Variants in DCC observed in about 807,000 individuals in gnomAD.
DCC encodes DCC netrin 1 receptor.
A neutral mutation model predicts 172.5 loss-of-function variants in DCC; 58 were observed. That is an observed-to-expected ratio of 0.34 (90% CI 0.27 to 0.42). DCC has a LOEUF of 0.42. DCC is among the 10% of genes least tolerant of loss of function. The pLI is 1.00. For missense variants in DCC, 1,740 were observed against 1,791.0 expected, an observed-to-expected ratio of 0.97 and a Z score of 0.51; for synonymous variants, 709 against 644.5, an observed-to-expected ratio of 1.10 and a Z score of -1.52.
At position 52,580,087 on chromosome 18, in the gene DCC, C is replaced by T. The variant is rs577906133; in HGVS notation, c.92-171967C>T. 1.4e-3 allele frequency among the ~76,000 whole-genome samples: 218 copies of T among 152,332 alleles called. 1 individual carries two copies. Among genetic ancestry groups the T allele is most frequent in the African/African-American group, 4.6e-3 (193 of 41,568 alleles). On this transcript the variant is annotated intron_variant, in intron 1 of 28. Transcript: ENST00000442544. Reference sequence around the variant, plus strand: ...GGATAATTTTCTTCTAGATAAATCACGACCCGCACTCTTAGCCTCTGTGCT... The same window carrying T: ...GGATAATTTTCTTCTAGATAAATCATGACCCGCACTCTTAGCCTCTGTGCT...
intron 22 of DCC, among the ~76,000 whole-genome samples, chr18:53,442,437 T>G (rs889389129): frequency 2.0e-5 from 3 of 152,222 alleles, no homozygotes; most frequent in African/African-American, 7.2e-5. Context: ...ACTGCACCCA[T>G]ATAAGATGAT....
At chr18:52,810,354 T>G (rs577277348) in intron 2 of DCC, among the ~76,000 whole-genome samples, 1 of 152,336 alleles carries the variant, frequency 6.6e-6, no homozygotes, top group South Asian at 2.1e-4. Flanking sequence ...TGGCTGGTGA[T>G]GCCCTACCTG....
At chr18:52,954,859 A>T (rs2040716053) in intron 5 of DCC, among the ~76,000 whole-genome samples, 1 of 152,160 alleles carries the variant, frequency 6.6e-6, no homozygotes, top group Non-Finnish European at 1.5e-5. Context: ...TACCAGCTTA[A>T]GTTATGTCTG....
At chr18:52,369,695 A>G (rs1044807882) in intron 1 of DCC, among the ~76,000 whole-genome samples, 5 of 152,018 alleles carry the variant, frequency 3.3e-5, no homozygotes, top group African/African-American at 9.7e-5. Flanking sequence ...TTGAAATATC[A>G]GCATGGTGTT....
chr18:52,477,139 G>A (rs572107842), intron 1 of DCC, among the ~76,000 whole-genome samples: 11 of 152,178 alleles, frequency 7.2e-5, no homozygotes, highest in African/African-American at 2.2e-4. Context: ...TTTCCACTAC[G>A]TTATTATGTA....
chr18:53,332,733 A>G (rs2057544396), intron 14 of DCC, among the ~76,000 whole-genome samples: 1 of 152,146 alleles, frequency 6.6e-6, no homozygotes, highest in South Asian at 2.1e-4. Context: ...TTTGGCAGTG[A>G]TGGGATTTTT....
chr18:52,674,542 GA>G (rs1325519553), intron 1 of DCC, among the ~76,000 whole-genome samples: 3 of 152,096 alleles, frequency 2.0e-5, no homozygotes, highest in Non-Finnish European at 2.9e-5. Flanking sequence ...CTAGATATCT[GA>G]AAATCCCATG....
intron 1 of DCC, among the ~76,000 whole-genome samples, chr18:52,410,728 A>G (rs976978205): frequency 2.6e-5 from 4 of 152,142 alleles, no homozygotes; most frequent in African/African-American, 7.2e-5. Flanking sequence ...AGCTCACAAC[A>G]CTAGTTAATT....
At chr18:52,693,254 T>C (rs1436207942) in intron 1 of DCC, among the ~76,000 whole-genome samples, 2 of 151,204 alleles carry the variant, frequency 1.3e-5, no homozygotes, top group Non-Finnish European at 2.9e-5. Context: ...TATACATATA[T>C]AGATTTGTAT....
chr18:52,624,120 A>G (rs1223678183), intron 1 of DCC, among the ~76,000 whole-genome samples: 1 of 152,164 alleles, frequency 6.6e-6, no homozygotes, highest in African/African-American at 2.4e-5. Flanking sequence ...AGTAAATCAC[A>G]CAGATAAGAT....
At chr18:52,835,425 A>G (rs1413156631) in intron 2 of DCC, among the ~76,000 whole-genome samples, 1 of 152,228 alleles carries the variant, frequency 6.6e-6, no homozygotes, top group Non-Finnish European at 1.5e-5. Flanking sequence ...AATATTGCTG[A>G]TAGACATTTG....
At chr18:52,604,796 C>T (rs1007511207) in intron 1 of DCC, among the ~76,000 whole-genome samples, 2 of 151,988 alleles carry the variant, frequency 1.3e-5, no homozygotes, top group Non-Finnish European at 1.5e-5. Flanking sequence ...TGCTTGATTA[C>T]ATTTTATGCA....
At chr18:52,638,854 A>G (rs1454322027) in intron 1 of DCC, among the ~76,000 whole-genome samples, 1 of 152,176 alleles carries the variant, frequency 6.6e-6, no homozygotes, top group Admixed American at 6.5e-5. Context: ...GGAACAAATG[A>G]ACTTAACAGA....
intron 15 of DCC, among the ~76,000 whole-genome samples, chr18:53,353,012 T>C (rs560446745): frequency 3.9e-5 from 6 of 152,118 alleles, no homozygotes. Context: ...ATGGTTGTTA[T>C]TACATTTAAA....
intron 2 of DCC, among the ~76,000 whole-genome samples, chr18:52,810,855 C>T (rs1029937156): frequency 9.2e-5 from 14 of 152,056 alleles, no homozygotes; most frequent in African/African-American, 2.9e-4. Context: ...GTCTTCAGCT[C>T]GGAGGTAGGG....
chr18:53,161,792 A>G (rs1043883553), intron 8 of DCC, among the ~76,000 whole-genome samples: 1 of 152,164 alleles, frequency 6.6e-6, no homozygotes, highest in African/African-American at 2.4e-5. Flanking sequence ...AATTCTTATT[A>G]TGAAATCCGT....
At chr18:52,603,667 T>A (rs9965768) in intron 1 of DCC, among the ~76,000 whole-genome samples, 58,730 of 150,888 alleles carry the variant, frequency 0.39, 11,511 homozygotes, top group African/African-American at 0.42. Context: ...GCAAGGAATA[T>A]GTCACAGAAA....
intron 2 of DCC, among the ~76,000 whole-genome samples, chr18:52,866,095 T>C (rs11082954): frequency 0.28 from 42,570 of 152,086 alleles, 6,720 homozygotes; most frequent in South Asian, 0.42. Flanking sequence ...GGGTCCAGTT[T>C]CAGTTTTCTG....
chr18:53,459,278 G>A lies in DCC; in HGVS notation c.3439G>A (p.Asp1147Asn), dbSNP rs148589863. ...SAGKRKGSQK[D>N]LRPPDLWIHH... is the part of the protein sequence containing the mutation. ...TGGCAAAAGGAAGGGCAGCCAGAAG[G>A]ACCTCCGACCCCCTGATCTTTGGAT... Residue 1147 changes from aspartate (D) to asparagine (N), a missense_variant, in exon 24 of 29, where the codon GAC becomes AAC. By Grantham distance (23) the Asp-to-Asn change is conservative. Transcript: ENST00000442544. 4.3e-6 allele frequency: 7 copies of A among 1,614,120 alleles called. No homozygotes were observed. The highest frequency in any genetic ancestry group is 1.1e-5 in the South Asian group (1 of 91,090).
Sources: allele counts gnomAD v4.1 joint callset (sites outside exome capture counted in the v4.1 genomes callset), GRCh38; gene constraint gnomAD v4.1.1; transcripts MANE v1.5; gene names NCBI Gene and HGNC (gene_info 2026-07-23, HGNC 2026-07-21).